SMIM35: variants seen among roughly 807,000 people sequenced by gnomAD.
The protein encoded by SMIM35 is TMPRSS4 antisense RNA 1 (non-protein coding).
At chr11:118,034,549 C>T (rs2058343937) in intron 1 of SMIM35, among the ~76,000 whole-genome samples, 2 of 152,248 alleles carry the variant, frequency 1.3e-5, no homozygotes, top group Middle Eastern at 3.4e-3. Context: ...ATGGCAAGAC[C>T]CCCATCTCTA....
intron 1 of SMIM35, among the ~76,000 whole-genome samples, chr11:118,017,744 AG>A (rs2058194938): frequency 1.3e-5 from 2 of 151,488 alleles, no homozygotes; most frequent in African/African-American, 4.9e-5. Flanking sequence ...CTCACAGTTC[AG>A]CATGGCTGGG....
intron 4 of SMIM35, among the ~76,000 whole-genome samples, chr11:118,010,105 C>T (rs1387179950): frequency 1.3e-5 from 2 of 152,246 alleles, no homozygotes; most frequent in Non-Finnish European, 2.9e-5. Flanking sequence ...GCTCAAAATG[C>T]AGTACCATGC....
At chr11:118,024,936 GA>G (rs576644504) in intron 1 of SMIM35, among the ~76,000 whole-genome samples, 109 of 151,716 alleles carry the variant, frequency 7.2e-4, no homozygotes, top group African/African-American at 2.4e-3. Flanking sequence ...CTCTCTCCCC[GA>G]TCTAGTGGTC....
At chr11:118,031,290 A>G (rs1247189643) in intron 1 of SMIM35, among the ~76,000 whole-genome samples, 1 of 152,244 alleles carries the variant, frequency 6.6e-6, no homozygotes, top group Non-Finnish European at 1.5e-5. Flanking sequence ...CCCAATATCA[A>G]CAGACACATC....
chr11:118,058,473 G>C (rs1469818094), intron 1 of SMIM35, among the ~76,000 whole-genome samples: 2 of 152,206 alleles, frequency 1.3e-5, no homozygotes, highest in African/African-American at 4.8e-5. Context: ...GCAAGCAGCT[G>C]CAGCCTGGGC....
intron 1 of SMIM35, among the ~76,000 whole-genome samples, chr11:118,021,047 GT>G (rs367714265): frequency 3.3e-4 from 47 of 140,794 alleles, no homozygotes; most frequent in Non-Finnish European, 3.8e-4. Context: ...ACAGGGTAAG[GT>G]TTTTTTTTTT....
intron 4 of SMIM35, among the ~76,000 whole-genome samples, chr11:118,012,102 C>T (rs931199506): frequency 1.3e-5 from 2 of 152,214 alleles, no homozygotes; most frequent in Non-Finnish European, 2.9e-5. Context: ...CACAGCTTCC[C>T]TCCTCCTCCC....
chr11:118,007,387 A>G (rs772535675), intron 4 of SMIM35, among the ~76,000 whole-genome samples: 7 of 152,204 alleles, frequency 4.6e-5, no homozygotes, highest in Non-Finnish European at 1.0e-4. Flanking sequence ...TGGGACTAGA[A>G]TAGAAGATGT....
At chr11:118,066,207 C>T (rs546235401) in intron 1 of SMIM35, among the ~76,000 whole-genome samples, 1 of 152,230 alleles carries the variant, frequency 6.6e-6, no homozygotes, top group Admixed American at 6.5e-5. Context: ...TTGCCTAATC[C>T]CCCAGACACC....
At chr11:118,080,289 G>A (rs533821566) in intron 1 of SMIM35, among the ~76,000 whole-genome samples, 1 of 152,228 alleles carries the variant, frequency 6.6e-6, no homozygotes, top group Non-Finnish European at 1.5e-5. Context: ...GGCAGGGAAA[G>A]CAGGAAGGAG....
rs1046434492 is a variant in SMIM35 at position 118,021,051 on chromosome 11, T to TTTTTTTTTTTTGTTTG, written c.8-5243_8-5242insCAAACAAAAAAAAAAA. Among the ~76,000 whole-genome samples the TTTTTTTTTTTTGTTTG allele has an allele frequency of 4.3e-4, 66 of 151,752 alleles. No homozygotes were observed. In the East Asian group the frequency reaches 0.011, roughly 25 times the overall value. On this transcript the variant is annotated intron_variant, in intron 1 of 4. Transcript: ENST00000689828. Reference sequence around the variant, plus strand: ...TTTCCAAATTCACAGGGTAAGGTTTTTTTTTTTACTATTTATTAAGATGGA... The same window carrying TTTTTTTTTTTTGTTTG: ...TTTCCAAATTCACAGGGTAAGGTTTTTTTTTTTTTTTGTTTGTTTTTTTACTATTTATTAAGATGGA...
intron 1 of SMIM35, among the ~76,000 whole-genome samples, chr11:118,029,221 G>A (rs868568806): frequency 1.3e-5 from 2 of 152,146 alleles, no homozygotes; most frequent in African/African-American, 4.8e-5. Context: ...CAGCACTTTG[G>A]GAGGCCGAGG....
intron 1 of SMIM35, among the ~76,000 whole-genome samples, chr11:118,016,117 G>A (rs543410849): frequency 5.3e-5 from 8 of 152,184 alleles, no homozygotes; most frequent in African/African-American, 1.9e-4. Context: ...TACCTGTGTC[G>A]GGGTGAGCCT....
chr11:118,044,999 G>A (rs1344912845), intron 1 of SMIM35, among the ~76,000 whole-genome samples: 1 of 152,070 alleles, frequency 6.6e-6, no homozygotes, highest in Non-Finnish European at 1.5e-5. Context: ...AAAATCAGAA[G>A]GAAGTTCTAA....
At chr11:118,009,947 A>G (rs1391082732) in intron 4 of SMIM35, among the ~76,000 whole-genome samples, 3 of 152,198 alleles carry the variant, frequency 2.0e-5, no homozygotes, top group Admixed American at 1.3e-4. Context: ...TGTCAGCTAC[A>G]TCCGTGAGGG....
At chr11:118,035,348 C>T (rs968610904) in intron 1 of SMIM35, among the ~76,000 whole-genome samples, 4 of 152,134 alleles carry the variant, frequency 2.6e-5, no homozygotes, top group African/African-American at 9.7e-5. Context: ...AATTTCCATA[C>T]TCAACAAGGA....
At chr11:118,033,498 A>G (rs1231577943) in intron 1 of SMIM35, among the ~76,000 whole-genome samples, 1 of 152,096 alleles carries the variant, frequency 6.6e-6, no homozygotes, top group Non-Finnish European at 1.5e-5. Flanking sequence ...CCTTCTCTGT[A>G]TAGTCAAGGG....
At chr11:118,074,605 G>C (rs569750297) in intron 1 of SMIM35, among the ~76,000 whole-genome samples, 253 of 152,216 alleles carry the variant, frequency 1.7e-3, no homozygotes, top group African/African-American at 5.0e-3. Flanking sequence ...AAATAAGCCA[G>C]GCATAGTGGC....
chr11:118,011,872 C>T (rs923565805), intron 4 of SMIM35, among the ~76,000 whole-genome samples: 1 of 152,170 alleles, frequency 6.6e-6, no homozygotes, highest in Admixed American at 6.5e-5. Context: ...GCCTTCCTCA[C>T]TCCCACTTAC....
Sources: allele counts gnomAD v4.1 joint callset (sites outside exome capture counted in the v4.1 genomes callset), GRCh38; gene constraint gnomAD v4.1.1; transcripts MANE v1.5; gene names NCBI Gene and HGNC (gene_info 2026-07-23, HGNC 2026-07-21).